The following ST6GALNAC5 variants were observed in gnomAD, a reference collection of about 807,000 sequenced individuals.
The protein encoded by ST6GALNAC5 is alpha-N-acetylgalactosaminide alpha-2,6-sialyltransferase 5.
A neutral mutation model predicts 33.6 loss-of-function variants in ST6GALNAC5; 27 were observed. The ratio of observed to expected loss-of-function variants is 0.80; its 90% CI spans 0.59 to 1.11. ST6GALNAC5 has a LOEUF of 1.11. Among genes scored for constraint, ST6GALNAC5 ranks in the 50% least tolerant of loss-of-function variants. The probability of loss-of-function intolerance (pLI) is 0.00; values close to 1 mark genes in which losing one functional copy is unlikely to be tolerated. For missense variants in ST6GALNAC5, 428 were observed against 454.0 expected, an observed-to-expected ratio of 0.94 and a Z score of 0.52; for synonymous variants, 194 against 171.2, an observed-to-expected ratio of 1.13 and a Z score of -1.04.
intron 2 of ST6GALNAC5, among the ~76,000 whole-genome samples, chr1:76,959,529 G>C (rs1241142348): frequency 1.3e-5 from 2 of 152,186 alleles, no homozygotes; most frequent in African/African-American, 2.4e-5. Context: ...GAGAAATGAG[G>C]GGCAAGCTTT....
At chr1:76,942,918 C>A (rs767611894) in intron 2 of ST6GALNAC5, among the ~76,000 whole-genome samples, 1 of 152,124 alleles carries the variant, frequency 6.6e-6, no homozygotes, top group Non-Finnish European at 1.5e-5. Flanking sequence ...TACATAGAAT[C>A]TGAAGTTTCC....
At chr1:76,876,917 A>C (rs959587703) in intron 2 of ST6GALNAC5, among the ~76,000 whole-genome samples, 1 of 152,180 alleles carries the variant, frequency 6.6e-6, no homozygotes, top group Non-Finnish European at 1.5e-5. Flanking sequence ...CAGGGTGGCA[A>C]GAATGGAGAC....
At chr1:76,951,543 G>A (rs1014957806) in intron 2 of ST6GALNAC5, among the ~76,000 whole-genome samples, 2 of 151,992 alleles carry the variant, frequency 1.3e-5, no homozygotes, top group African/African-American at 4.8e-5. Context: ...TAGATGACAG[G>A]TTGTTGGGTG....
At chr1:76,926,964 A>G (rs931891953) in intron 2 of ST6GALNAC5, among the ~76,000 whole-genome samples, 1 of 151,958 alleles carries the variant, frequency 6.6e-6, no homozygotes, top group Non-Finnish European at 1.5e-5. Flanking sequence ...TTACCATTTT[A>G]TTTCTTTTGT....
intron 2 of ST6GALNAC5, among the ~76,000 whole-genome samples, chr1:77,038,293 G>A (rs1176802644): frequency 6.6e-6 from 1 of 152,180 alleles, no homozygotes; most frequent in East Asian, 1.9e-4. Context: ...CACTTTTCTA[G>A]TGAATCACAT....
At chr1:77,015,431 C>G (rs1369338133) in intron 2 of ST6GALNAC5, among the ~76,000 whole-genome samples, 1 of 152,174 alleles carries the variant, frequency 6.6e-6, no homozygotes, top group Non-Finnish European at 1.5e-5. Context: ...GAAACACCCT[C>G]AAGACACACC....
intron 2 of ST6GALNAC5, among the ~76,000 whole-genome samples, chr1:76,918,640 A>G (rs1197903458): frequency 6.6e-6 from 1 of 150,574 alleles, no homozygotes; most frequent in African/African-American, 2.4e-5. Flanking sequence ...AAAAAAAAGA[A>G]TGAGGCTCCA....
intron 2 of ST6GALNAC5, among the ~76,000 whole-genome samples, chr1:77,043,811 G>A (rs1651911048): frequency 6.6e-6 from 1 of 152,134 alleles, no homozygotes; most frequent in African/African-American, 2.4e-5. Flanking sequence ...AAAGCCGGAA[G>A]CACAACTTTA....
rs188496897 is a variant in ST6GALNAC5, at chr1:76,917,973, G to A, written c.261+49231G>A. Among the ~76,000 whole-genome samples, 532 of 152,254 alleles carry A rather than the reference G, an allele frequency of 3.5e-3. 2 individuals are homozygous for A. Among genetic ancestry groups the A allele is most frequent in the African/African-American group, 0.012 (511 of 41,556 alleles). ...CCACTCACATTAGGGAGCAGAGTAA[G>A]CTTTACTCATTCTACCAGTTCAGAT... is the stretch of plus-strand genomic sequence containing the variant. On this transcript the variant is annotated intron_variant, in intron 2 of 4. Coordinates refer to ENST00000477717, the MANE Select transcript of ST6GALNAC5 (RefSeq NM_030965.3).
chr1:77,037,504 A>T (rs1218014571), intron 2 of ST6GALNAC5, among the ~76,000 whole-genome samples: 1 of 152,196 alleles, frequency 6.6e-6, no homozygotes, highest in African/African-American at 2.4e-5. Flanking sequence ...ATCACACATT[A>T]TACCCATGTA....
intron 2 of ST6GALNAC5, among the ~76,000 whole-genome samples, chr1:77,016,774 G>A (rs192432260): frequency 6.6e-6 from 1 of 152,260 alleles, no homozygotes; most frequent in Admixed American, 6.5e-5. Flanking sequence ...TGGTTCTCAA[G>A]CCTTTCAACA....
intron 2 of ST6GALNAC5, among the ~76,000 whole-genome samples, chr1:76,874,561 T>C (rs746885722): frequency 4.0e-4 from 61 of 152,160 alleles, no homozygotes; most frequent in Non-Finnish European, 7.9e-4. Context: ...TAGAGTCCGA[T>C]ATTCAAGGGC....
chr1:76,924,477 G>A (rs1039423560), intron 2 of ST6GALNAC5, among the ~76,000 whole-genome samples: 3 of 152,032 alleles, frequency 2.0e-5, no homozygotes, highest in African/African-American at 4.8e-5. Context: ...AACATTTATC[G>A]GACTTAATGG....
chr1:76,979,285 T>C (rs1300523102), intron 2 of ST6GALNAC5, among the ~76,000 whole-genome samples: 11 of 152,068 alleles, frequency 7.2e-5, no homozygotes. Flanking sequence ...AAATTCATAT[T>C]GAAATGCAGA....
chr1:76,965,460 T>C (rs1298867384), intron 2 of ST6GALNAC5, among the ~76,000 whole-genome samples: 1 of 152,194 alleles, frequency 6.6e-6, no homozygotes, highest in African/African-American at 2.4e-5. Context: ...ATGGGGTTGT[T>C]TTCTTCTTCT....
chr1:76,985,785 C>G (rs1649471468), intron 2 of ST6GALNAC5, among the ~76,000 whole-genome samples: 1 of 152,178 alleles, frequency 6.6e-6, no homozygotes, highest in Non-Finnish European at 1.5e-5. Context: ...ACCAAAACAG[C>G]ATGATACTGG....
intron 2 of ST6GALNAC5, among the ~76,000 whole-genome samples, chr1:76,982,022 G>T (rs1273280850): frequency 6.6e-6 from 1 of 152,144 alleles, no homozygotes; most frequent in East Asian, 1.9e-4. Flanking sequence ...CAACATCAAA[G>T]AACAAAGGTA....
At chr1:76,977,167 CTAA>C (rs1649044295) in intron 2 of ST6GALNAC5, among the ~76,000 whole-genome samples, 5 of 151,950 alleles carry the variant, frequency 3.3e-5, no homozygotes, top group Admixed American at 2.6e-4. Context: ...TTTTTCATTA[CTAA>C]TAAGTTTTTT....
chr1:76,981,435 GA>G (rs1649248407), intron 2 of ST6GALNAC5, among the ~76,000 whole-genome samples: 3 of 152,208 alleles, frequency 2.0e-5, no homozygotes, highest in Admixed American at 2.0e-4. Flanking sequence ...GTGGCTGGGG[GA>G]GGGGCATCCA....
Sources: allele counts gnomAD v4.1 joint callset (sites outside exome capture counted in the v4.1 genomes callset), GRCh38; gene constraint gnomAD v4.1.1; transcripts MANE v1.5; gene names NCBI Gene and HGNC (gene_info 2026-07-23, HGNC 2026-07-21).